WDFY4: variants seen among roughly 807,000 people sequenced by gnomAD.
The protein encoded by WDFY4 is WD repeat- and FYVE domain-containing protein 4.
WDFY4 carries 169 observed loss-of-function variants against 351.9 expected under a neutral mutation model. The ratio of observed to expected loss-of-function variants is 0.48; its 90% CI spans 0.42 to 0.55. WDFY4 has a LOEUF of 0.55. WDFY4 is among the 20% of genes least tolerant of loss of function. WDFY4 has a pLI of 0.00. For synonymous variants in WDFY4, 1,622 were observed against 1,574.6 expected (o/e 1.03, Z -0.71); for missense variants, 3,803 against 3,935.6 (o/e 0.97, Z 0.90).
intron 12 of WDFY4, 29 bp downstream of exon 12, chr10:48,743,577 T>A: frequency 6.6e-7 from 1 of 1,515,056 alleles, no homozygotes; most frequent in Non-Finnish European, 8.8e-7. Flanking sequence ...GTGTCATCAG[T>A]GCATCTCTGT....
intron 53 of WDFY4, 30 bp downstream of exon 53, chr10:48,959,843 G>A (rs1457417365): frequency 6.6e-7 from 1 of 1,525,860 alleles, no homozygotes; most frequent in Admixed American, 2.0e-5. Flanking sequence ...CTGGTATCCT[G>A]CTGGGGACCT....
chr10:48,971,990 A>G (rs755368468), intron 57 of WDFY4, among the ~76,000 whole-genome samples: 2 of 152,210 alleles, frequency 1.3e-5, no homozygotes, highest in Non-Finnish European at 2.9e-5. Context: ...GTACTGGGGC[A>G]GTGATTTTTC....
In WDFY4 at chr10:48,726,063, C is replaced by T; in HGVS notation, c.774C>T (p.Tyr258=). 1 of 1,541,796 alleles carries T rather than the reference C, an allele frequency of 6.5e-7. No homozygotes were observed. The highest frequency in any genetic ancestry group is 1.2e-5 in the South Asian group (1 of 83,906). Residue 258 remains tyrosine, a synonymous_variant, in exon 6 of 62, where the codon TAC becomes TAT. Transcript: ENST00000325239. The part of the protein sequence containing the change: ...SKAQNLSIIQ[Y]LQATDCVRLS... ...CCCAGAACCTCAGCATCATCCAGTA[C>T]CTGCAGGGTATGGCCCGGGAAATTA...
intron 23 of WDFY4, among the ~76,000 whole-genome samples, chr10:48,793,985 T>C (rs1009764305): frequency 6.6e-6 from 1 of 152,202 alleles, no homozygotes; most frequent in East Asian, 1.9e-4. Context: ...AGGAGGATAC[T>C]GTTCCAGACT....
intron 47 of WDFY4, among the ~76,000 whole-genome samples, chr10:48,919,860 T>C (rs1315710644): frequency 7.5e-6 from 1 of 133,594 alleles, no homozygotes; most frequent in African/African-American, 2.8e-5. Flanking sequence ...TTTGATATGA[T>C]CTCTTTCAAA....
At chr10:48,946,396 C>A (rs1410692273) in intron 50 of WDFY4, among the ~76,000 whole-genome samples, 1 of 152,260 alleles carries the variant, frequency 6.6e-6, no homozygotes, top group Non-Finnish European at 1.5e-5. Flanking sequence ...GGGATTCTAA[C>A]ATGCAGCCTG....
chr10:48,975,092 G>A, intron 58 of WDFY4, 51 bp downstream of exon 58: 1 of 1,550,392 alleles, frequency 6.4e-7, no homozygotes, highest in Middle Eastern at 1.7e-4. Flanking sequence ...CAGTAGCATG[G>A]GGTACAACAC....
At chr10:48,832,962 T>A (rs773009141) in intron 39 of WDFY4, among the ~76,000 whole-genome samples, 62 of 152,096 alleles carry the variant, frequency 4.1e-4, no homozygotes, top group Admixed American at 1.8e-3. Flanking sequence ...CAGCTAGGGG[T>A]GTGAGCCCAG....
intron 1 of WDFY4, among the ~76,000 whole-genome samples, chr10:48,699,337 C>T (rs1312286567): frequency 6.6e-6 from 1 of 152,174 alleles, no homozygotes; most frequent in Non-Finnish European, 1.5e-5. Flanking sequence ...GGGGCAGAGG[C>T]ACAGGGACCT....
intron 1 of WDFY4, among the ~76,000 whole-genome samples, chr10:48,702,754 G>C (rs951897865): frequency 6.6e-6 from 1 of 152,068 alleles, no homozygotes; most frequent in Non-Finnish European, 1.5e-5. Context: ...AGGATGAATA[G>C]CTAGGGGTGG....
chr10:48,900,124 G>A (rs967515534), intron 45 of WDFY4, 97 bp from the exon 46 acceptor site: 59 of 1,043,460 alleles, frequency 5.7e-5, no homozygotes, highest in Middle Eastern at 2.2e-4. Flanking sequence ...CTTCTGACAC[G>A]GAGACCCGCA....
At chr10:48,786,512 GT>G (rs139400997) in intron 19 of WDFY4, 126 bp from the exon 20 acceptor site, 1 of 736,024 alleles carries the variant, frequency 1.4e-6, no homozygotes, top group Admixed American at 3.6e-5. Flanking sequence ...TTATATTTTA[GT>G]TTTTTAGATA....
intron 1 of WDFY4, among the ~76,000 whole-genome samples, chr10:48,705,422 G>A (rs754284437): frequency 6.6e-6 from 1 of 152,110 alleles, no homozygotes; most frequent in Non-Finnish European, 1.5e-5. Flanking sequence ...AAGCCCCGAT[G>A]GGTCCCTTTT....
At chr10:48,820,909 A>C (rs1189315573) in intron 33 of WDFY4, among the ~76,000 whole-genome samples, 153 bp from the exon 34 acceptor site, 1 of 151,914 alleles carries the variant, frequency 6.6e-6, no homozygotes, top group Non-Finnish European at 1.5e-5. Context: ...GCTCAGTCAC[A>C]GAGGGTGGGC....
At chr10:48,693,620 G>T (rs114186614) in intron 1 of WDFY4, among the ~76,000 whole-genome samples, 1 of 152,220 alleles carries the variant, frequency 6.6e-6, no homozygotes, top group African/African-American at 2.4e-5. Context: ...TTGAACAGCC[G>T]AACTTCACTG....
intron 18 of WDFY4, 24 bp downstream of exon 18, chr10:48,778,856 A>G (rs780757095): frequency 7.1e-6 from 11 of 1,545,466 alleles, no homozygotes; most frequent in African/African-American, 4.1e-5. Flanking sequence ...ATCCAAAGCC[A>G]GTTTCATCCA....
chr10:48,725,797 T>C lies in WDFY4; in HGVS notation c.592-84T>C. The stretch of plus-strand genomic sequence containing the variant: ...CTCACAGAGACATGCTCATCAGTGC[T>C]CCAGAGAAGTAGGGAACAAATCCAT... On this transcript the variant is annotated intron_variant, in intron 5 of 61. Transcript: ENST00000325239. The C allele has an allele frequency of 4.5e-6, 6 of 1,331,214 alleles. No individual in the cohort carries two copies. In the South Asian group the frequency reaches 8.4e-5, roughly 19 times the overall value. 82.5% of individuals were successfully genotyped at this position (1,331,214 alleles called of 1,614,324 possible).
At chr10:48,886,253 G>A (rs1187772012) in intron 43 of WDFY4, among the ~76,000 whole-genome samples, 2 of 152,192 alleles carry the variant, frequency 1.3e-5, no homozygotes, top group Admixed American at 1.3e-4. Flanking sequence ...GGTTGACCTT[G>A]CCCATTATAG....
At chr10:48,913,770 C>G in intron 47 of WDFY4, 2 of 1,614,062 alleles carry the variant, frequency 1.2e-6, no homozygotes, top group South Asian at 2.2e-5. Flanking sequence ...GTGGTTCAAG[C>G]CTAGGTTCAC....
Sources: allele counts gnomAD v4.1 joint callset (sites outside exome capture counted in the v4.1 genomes callset), GRCh38; gene constraint gnomAD v4.1.1; transcripts MANE v1.5; gene names NCBI Gene and HGNC (gene_info 2026-07-23, HGNC 2026-07-21).